The following NAALADL2 variants were observed in gnomAD, a reference collection of about 807,000 sequenced individuals.
The protein encoded by NAALADL2 is N-acetylated alpha-linked acidic dipeptidase like 2.
A neutral mutation model predicts 87.2 loss-of-function variants in NAALADL2; 76 were observed. That is an observed-to-expected ratio of 0.87 (90% CI 0.72 to 1.05). NAALADL2 has a LOEUF of 1.05. Ranked by LOEUF, NAALADL2 falls within the 50% of genes least tolerant of loss-of-function variation. NAALADL2 has a pLI of 0.00. For missense variants in NAALADL2, 1,089 were observed against 945.8 expected (o/e 1.15, Z -1.99); for synonymous variants, 354 against 331.0 (o/e 1.07, Z -0.75).
At chr3:174,991,552 A>C (rs545217916) in intron 1 of NAALADL2, among the ~76,000 whole-genome samples, 2 of 152,158 alleles carry the variant, frequency 1.3e-5, no homozygotes, top group Non-Finnish European at 2.9e-5. Flanking sequence ...TGTGTCCTGC[A>C]TCTTATTCTG....
At position 174,805,624 on chromosome 3, in the gene NAALADL2, G is replaced by GA. The variant is rs144075363; in HGVS notation, c.-9+67882dup. On this transcript the variant is annotated intron_variant, in intron 3 of 3. Transcript: ENST00000434257. ...GTGAAGTCTCTATTGTGGTATTTAA[G>GA]AAAATCTTTGCTCACTAATTTTCCT... Among the ~76,000 whole-genome samples, 392 of 152,166 alleles carry GA rather than the reference G, an allele frequency of 2.6e-3. 2 individuals carry two copies. The highest frequency in any genetic ancestry group is 9.1e-3 in the African/African-American group (377 of 41,546).
chr3:174,751,665 A>AG (rs1325962967), intron 3 of NAALADL2, among the ~76,000 whole-genome samples: 1 of 151,282 alleles, frequency 6.6e-6, no homozygotes, highest in Non-Finnish European at 1.5e-5. Flanking sequence ...TTTGTCTCAA[A>AG]AAAAAAAAAA....
intron 2 of NAALADL2, among the ~76,000 whole-genome samples, chr3:174,674,154 A>G (rs930699107): frequency 2.6e-5 from 4 of 151,908 alleles, no homozygotes; most frequent in African/African-American, 7.3e-5. Flanking sequence ...TCATATGGTA[A>G]AAGCAGGAGG....
intron 9 of NAALADL2, among the ~76,000 whole-genome samples, chr3:175,546,119 A>G (rs6773768): frequency 0.25 from 37,628 of 152,122 alleles, 5,967 homozygotes; most frequent in East Asian, 0.61. Flanking sequence ...CAGCATGAGC[A>G]TTGTGTTCAC....
At chr3:175,311,116 G>A (rs1468489309) in intron 4 of NAALADL2, among the ~76,000 whole-genome samples, 2 of 151,802 alleles carry the variant, frequency 1.3e-5, no homozygotes, top group Non-Finnish European at 2.9e-5. Flanking sequence ...CACCTTAACT[G>A]TGCCACTGTG....
chr3:174,814,911 C>G (rs1036932829), intron 3 of NAALADL2, among the ~76,000 whole-genome samples: 1 of 152,114 alleles, frequency 6.6e-6, no homozygotes, highest in African/African-American at 2.4e-5. Context: ...AATTTTTATG[C>G]TGTAGGTAAA....
rs369694913 is a variant in NAALADL2, at chr3:174,501,017, C to T, written c.-183-49552C>T. On this transcript the variant is annotated intron_variant, in intron 1 of 3. Coordinates refer to the NAALADL2 transcript ENST00000434257. Reference sequence around the variant, plus strand: ...GATTATAGGCGCCCGCCACCATGCCCGGCCTGTATTGGATAAAATTTTAAT... The same window carrying T: ...GATTATAGGCGCCCGCCACCATGCCTGGCCTGTATTGGATAAAATTTTAAT... Among the ~76,000 whole-genome samples the T allele has an allele frequency of 2.5e-3, 332 of 131,122 alleles. 1 individual carries two copies. Among genetic ancestry groups the T allele is most frequent in the African/African-American group, 8.9e-3 (309 of 34,564 alleles). 86.0% of individuals were successfully genotyped at this position (131,122 alleles called of 152,430 possible).
intron 9 of NAALADL2, among the ~76,000 whole-genome samples, chr3:175,492,119 C>A (rs1473299267): frequency 6.6e-6 from 1 of 152,122 alleles, no homozygotes; most frequent in Non-Finnish European, 1.5e-5. Flanking sequence ...AAAAGAATTT[C>A]CACGGTAAAA....
At chr3:175,232,162 G>C (rs894497256) in intron 2 of NAALADL2, among the ~76,000 whole-genome samples, 1 of 148,740 alleles carries the variant, frequency 6.7e-6, no homozygotes, top group Non-Finnish European at 1.5e-5. Context: ...AGAAGAAGGG[G>C]GAGGAGGAGG....
intron 1 of NAALADL2, among the ~76,000 whole-genome samples, chr3:174,509,661 C>G (rs1386108904): frequency 7.2e-6 from 1 of 139,372 alleles, no homozygotes; most frequent in Non-Finnish European, 1.5e-5. Flanking sequence ...CTCCTGACCT[C>G]GTAATCCGCC....
rs140424319 is a variant in NAALADL2, at chr3:175,299,552, A to G, written c.940-24623A>G. 8.4e-3 allele frequency among the ~76,000 whole-genome samples: 1,270 copies of G among 151,996 alleles called. 16 individuals are homozygous for G. The highest frequency in any genetic ancestry group is 0.03 in the African/African-American group (1,227 of 41,418). On this transcript the variant is annotated intron_variant, in intron 4 of 13. Transcript: ENST00000454872. Reference sequence around the variant, plus strand: ...TTCCTAGTTATTTTATTGTCTTTGTAGCAATTGTGAATGGGAGTTTGCTCA... The same window carrying G: ...TTCCTAGTTATTTTATTGTCTTTGTGGCAATTGTGAATGGGAGTTTGCTCA...
At chr3:174,890,546 A>G (rs890727215) in intron 1 of NAALADL2, among the ~76,000 whole-genome samples, 2 of 152,228 alleles carry the variant, frequency 1.3e-5, no homozygotes, top group African/African-American at 2.4e-5. Context: ...AGAACAATTG[A>G]TAATGAAGAT....
chr3:175,164,668 G>A (rs1029139251), intron 2 of NAALADL2, among the ~76,000 whole-genome samples: 1 of 152,146 alleles, frequency 6.6e-6, no homozygotes, highest in African/African-American at 2.4e-5. Flanking sequence ...TACACATGAT[G>A]TGGAAGTTAA....
At chr3:175,523,591 T>C (rs556482029) in intron 9 of NAALADL2, among the ~76,000 whole-genome samples, 143 of 152,340 alleles carry the variant, frequency 9.4e-4, no homozygotes, top group African/African-American at 3.4e-3. Flanking sequence ...GTTACTTCTC[T>C]AGAAGCGAAG....
rs901940810 is a variant in NAALADL2, at chr3:174,958,008, T to TA, written c.43+98564dup. ...GGACATCTTTTCTTTCTCTGACAGATAAAAAACACATACTCATCCTATGCA... is the reference window on the plus strand; with the variant it reads ...GGACATCTTTTCTTTCTCTGACAGATAAAAAAACACATACTCATCCTATGCA... On this transcript the variant is annotated intron_variant, in intron 1 of 13. Transcript: ENST00000454872. Among the ~76,000 whole-genome samples the TA allele has an allele frequency of 8.6e-4, 131 of 151,952 alleles. 1 individual carries two copies. Among genetic ancestry groups the TA allele is most frequent in the African/African-American group, 3.0e-3 (124 of 41,502 alleles).
At chr3:175,062,731 A>G (rs1416818142) in intron 1 of NAALADL2, among the ~76,000 whole-genome samples, 2 of 152,158 alleles carry the variant, frequency 1.3e-5, no homozygotes, top group Admixed American at 6.6e-5. Context: ...GAACTATTTA[A>G]CTATCATATG....
At chr3:174,773,838 C>T (rs1254877058) in intron 3 of NAALADL2, among the ~76,000 whole-genome samples, 2 of 151,896 alleles carry the variant, frequency 1.3e-5, no homozygotes, top group African/African-American at 4.8e-5. Context: ...CCCTTTATTT[C>T]TTCCCTCCTC....
intron 5 of NAALADL2, among the ~76,000 whole-genome samples, chr3:175,443,909 C>T (rs918144638): frequency 2.6e-5 from 4 of 152,190 alleles, no homozygotes; most frequent in Middle Eastern, 3.4e-3. Flanking sequence ...GAAAGCTTCA[C>T]GTAGAAGATG....
intron 5 of NAALADL2, among the ~76,000 whole-genome samples, chr3:175,446,571 C>T (rs1376188190): frequency 1.3e-5 from 2 of 152,118 alleles, no homozygotes; most frequent in Non-Finnish European, 2.9e-5. Context: ...TGTGATGTTT[C>T]TCGCTGTATT....
Sources: allele counts gnomAD v4.1 joint callset (sites outside exome capture counted in the v4.1 genomes callset), GRCh38; gene constraint gnomAD v4.1.1; transcripts MANE v1.5; gene names NCBI Gene and HGNC (gene_info 2026-07-23, HGNC 2026-07-21).